Variants in TLE3 observed in about 807,000 individuals in gnomAD.
TLE3 encodes the protein TLE family member 3, transcriptional corepressor.
A neutral mutation model predicts 93.0 loss-of-function variants in TLE3; 14 were observed. The ratio of observed to expected loss-of-function variants is 0.15; its 90% CI spans 0.10 to 0.24. The LOEUF is 0.24. Among genes scored for constraint, TLE3 ranks in the 10% least tolerant of loss-of-function variants. The pLI is 1.00. For missense variants in TLE3, 693 were observed against 1,046.6 expected (o/e 0.66, Z 4.66); for synonymous variants, 451 against 425.0 (o/e 1.06, Z -0.75).
chr15:70,054,341 G>A, intron 16 of TLE3, 97 bp downstream of exon 16: 2 of 1,520,174 alleles, frequency 1.3e-6, no homozygotes, highest in Non-Finnish European at 8.9e-7. Context: ...ACCCCACAGT[G>A]CCTCAGACAG....
At chr15:70,053,608 G>GA in intron 16 of TLE3, 1 of 403,978 alleles carries the variant, frequency 2.5e-6, no homozygotes, top group South Asian at 5.1e-5. Context: ...GGGAAATGGG[G>GA]GGGGGAGGTG....
intron 7 of TLE3, among the ~76,000 whole-genome samples, chr15:70,065,569 T>C (rs1219314411): frequency 6.6e-6 from 1 of 152,228 alleles, no homozygotes; most frequent in Non-Finnish European, 1.5e-5. Context: ...AGGGAACTAA[T>C]GATCGTGGTG....
chr15:70,095,357 G>C, intron 3 of TLE3: 1 of 1,432,016 alleles, frequency 7.0e-7, no homozygotes, highest in Non-Finnish European at 9.1e-7. Context: ...GCCTGGAATC[G>C]GGGTTTCTCT....
Position 70,096,883 on chromosome 15 carries a change from G to T in TLE3, c.-85C>A. On this transcript the variant is annotated 5_prime_UTR_variant, in exon 1 of 20. Transcript: ENST00000451782. ...TGCGGGGGAGGGGGGAGCCGAGCCC[G>T]AGCGGGGGGCGGCCGGGAAACCGAG... 2.7e-6 allele frequency: 4 copies of T among 1,487,356 alleles called. No individual in the cohort carries two copies. The highest frequency in any genetic ancestry group is 3.7e-6 in the Non-Finnish European group (4 of 1,093,886). The allele number at this position is 1,487,356 out of a possible 1,614,324, so 92.1% of individuals were successfully genotyped here. A position where few individuals can be genotyped will look rare whatever the true frequency, so the allele number is the denominator to read the frequency against.
chr15:70,096,012 G>C (rs2142111072), intron 2 of TLE3, 149 bp downstream of exon 2: 1 of 971,290 alleles, frequency 1.0e-6, no homozygotes, highest in East Asian at 2.7e-5. Context: ...AAGGCGGCGC[G>C]CTCGGAAAGG....
In TLE3 at chr15:70,051,200, G is replaced by A. The variant is rs926284502; in HGVS notation, c.2202+191C>T. 32 of 516,894 alleles carry A rather than the reference G, an allele frequency of 6.2e-5. No homozygotes were observed. The Middle Eastern group carries it at 1.6e-3, about 26-fold the overall frequency. The allele number at this position is 516,894 out of a possible 1,614,324, so 32.0% of individuals were successfully genotyped here. On this transcript the variant is annotated intron_variant, in intron 19 of 19. Coordinates refer to ENST00000451782, the MANE Select transcript of TLE3 (RefSeq NM_001105192.3). ...TCAGTAGCAGATTGTGTGTCCTGCT[G>A]AAGTCCCCAGGTCCTTGGGAGAACC...
chr15:70,076,422 A>G (rs1428269660), intron 4 of TLE3, among the ~76,000 whole-genome samples: 1 of 152,236 alleles, frequency 6.6e-6, no homozygotes. Flanking sequence ...TGTCTGGTTC[A>G]GAATATAGTT....
intron 1 of TLE3, 132 bp from the exon 2 acceptor site, chr15:70,096,393 C>T (rs1009580144): frequency 2.3e-5 from 33 of 1,452,606 alleles, no homozygotes; most frequent in Admixed American, 1.9e-4. Context: ...CAGCAAGTTT[C>T]TCAGCTCTCC....
intron 4 of TLE3, among the ~76,000 whole-genome samples, chr15:70,086,824 G>A (rs2058058026): frequency 6.6e-6 from 1 of 151,728 alleles, no homozygotes; most frequent in Non-Finnish European, 1.5e-5. Flanking sequence ...CCGCATCTCT[G>A]CTTTGTCATC....
intron 6 of TLE3, among the ~76,000 whole-genome samples, chr15:70,071,958 C>T (rs112621121): frequency 2.0e-5 from 3 of 152,340 alleles, no homozygotes; most frequent in African/African-American, 7.2e-5. Flanking sequence ...ACTAGATTAG[C>T]GGACTCCTTC....
Position 70,058,020 on chromosome 15 carries a change from C to G in TLE3, c.1051+139G>C. On this transcript the variant is annotated intron_variant, in intron 12 of 19. Coordinates refer to ENST00000451782, the MANE Select transcript of TLE3 (RefSeq NM_001105192.3). This position sits in a 1 kb window ranked among gnomAD's most constrained non-coding sequence, Gnocchi z 4.1. ...CTGGTGTCACCTCCTCAAATCTGAC[C>G]GTGAAGTCCCCAGGGGCAGGCCCTG... 6.6e-6 allele frequency: 9 copies of G among 1,361,904 alleles called. No individual in the cohort carries two copies. Among genetic ancestry groups the G allele is most frequent in the Non-Finnish European group, 9.0e-6 (9 of 1,005,378 alleles). 84.4% of individuals were successfully genotyped at this position (1,361,904 alleles called of 1,614,324 possible).
intron 6 of TLE3, among the ~76,000 whole-genome samples, chr15:70,073,007 A>T (rs1567023449): frequency 6.6e-6 from 1 of 152,234 alleles, no homozygotes; most frequent in East Asian, 1.9e-4. Context: ...GCCAGGATTC[A>T]AACCAGGCCA....
At chr15:70,065,979 G>GGCCCCCC in intron 7 of TLE3, 35 bp downstream of exon 7, 1 of 1,089,098 alleles carries the variant, frequency 9.2e-7, no homozygotes, top group Non-Finnish European at 1.4e-6. Flanking sequence ...GCCCACCCCT[G>GGCCCCCC]CCCCGCCCCA....
At position 70,097,209 on chromosome 15, in the gene TLE3, G is replaced by T. The variant is rs2058607561; in HGVS notation, c.-411C>A. On this transcript the variant is annotated 5_prime_UTR_variant, in exon 1 of 20. Coordinates refer to ENST00000451782, the MANE Select transcript of TLE3 (RefSeq NM_001105192.3). Reference sequence around the variant, plus strand: ...CTGGGGCGAGCTCGGGCCCCCTCCGGGTCACTCAGCGGGTCGCGCCTGTAG... The same window carrying T: ...CTGGGGCGAGCTCGGGCCCCCTCCGTGTCACTCAGCGGGTCGCGCCTGTAG... 2 of 406,958 alleles carry T rather than the reference G, an allele frequency of 4.9e-6. No homozygotes were observed. The highest frequency in any genetic ancestry group is 8.9e-5 in the Admixed American group (2 of 22,466). 25.2% of individuals were successfully genotyped at this position (406,958 alleles called of 1,614,324 possible). A position where few individuals can be genotyped will look rare whatever the true frequency, so the allele number is the denominator to read the frequency against.
At chr15:70,081,711 T>G (rs2057787658) in intron 4 of TLE3, among the ~76,000 whole-genome samples, 1 of 152,236 alleles carries the variant, frequency 6.6e-6, no homozygotes, top group Admixed American at 6.5e-5. Flanking sequence ...GAGGATTTCT[T>G]CTTCGGAAAA....
At chr15:70,076,394 C>T (rs1237491356) in intron 4 of TLE3, among the ~76,000 whole-genome samples, 1 of 152,216 alleles carries the variant, frequency 6.6e-6, no homozygotes, top group African/African-American at 2.4e-5. Context: ...CTCCAATTTC[C>T]ATCAGAGGTA....
At chr15:70,062,041 G>C (rs1450112942) in intron 8 of TLE3, among the ~76,000 whole-genome samples, 1 of 152,192 alleles carries the variant, frequency 6.6e-6, no homozygotes, top group Non-Finnish European at 1.5e-5. Context: ...TATTCGGTGG[G>C]AATAGTGCGG....
At chr15:70,076,196 TAAATC>T (rs2057435718) in intron 4 of TLE3, 38 bp from the exon 5 acceptor site, 2 of 1,602,428 alleles carry the variant, frequency 1.2e-6, no homozygotes, top group Non-Finnish European at 1.7e-6. Flanking sequence ...CTCAGGCAAA[TAAATC>T]AAGTCACTGA....
chr15:70,053,356 T>C lies in TLE3; in HGVS notation c.1845A>G (p.Thr615=), dbSNP rs115450913. ...QTLVRQFQGH[T]DGASCIDISH... is the part of the protein sequence containing the mutation. ...AGATGTCTATGCAGCTGGCCCCATC[T>C]GTGTGGCCCTGGAACTGCCTACGAA... The change falls in exon 17 of 20, where the codon ACA becomes ACG. Residue 615 remains threonine (T), a synonymous_variant. Coordinates refer to ENST00000451782, the MANE Select transcript of TLE3 (RefSeq NM_001105192.3). The C allele has an allele frequency of 1.0e-3, 1,637 of 1,606,602 alleles. 11 individuals are homozygous for C. The African/African-American group carries it at 0.02, about 20-fold the overall frequency.
Sources: gnomAD v4.1 joint callset for allele counts (sites outside exome capture counted in the v4.1 genomes callset) on GRCh38, gnomAD v4.1.1 for gene constraint, Gnocchi (gnomAD v3.1) non-coding constraint, MANE v1.5 for transcripts, NCBI Gene and HGNC (gene_info 2026-07-23, HGNC 2026-07-21) for gene names.